ASAP1: variants seen among roughly 807,000 people sequenced by gnomAD.
ASAP1 encodes the protein arf-GAP with SH3 domain, ANK repeat and PH domain-containing protein 1.
ASAP1 carries 43 observed loss-of-function variants against 145.2 expected under a neutral mutation model. That is an observed-to-expected ratio of 0.30 (90% CI 0.23 to 0.38). The LOEUF is 0.38. ASAP1 is among the 10% of genes least tolerant of loss of function. The probability of loss-of-function intolerance (pLI) is 1.00; values close to 1 mark genes in which losing one functional copy is unlikely to be tolerated. For synonymous variants in ASAP1, 546 were observed against 515.5 expected (o/e 1.06, Z -0.80); for missense variants, 1,018 against 1,355.3 (o/e 0.75, Z 3.91).
At chr8:130,179,403 G>A (rs1814193039) in intron 8 of ASAP1, 54 bp from the exon 9 acceptor site, 12 of 1,144,904 alleles carry the variant, frequency 1.0e-5, no homozygotes, top group Non-Finnish European at 1.6e-5. Context: ...GGGCTCTTCA[G>A]CCATGGGTTC....
At chr8:130,349,483 C>G (rs1469004492) in intron 3 of ASAP1, among the ~76,000 whole-genome samples, 8 of 152,206 alleles carry the variant, frequency 5.3e-5, no homozygotes, top group Non-Finnish European at 7.3e-5. Context: ...AAGCACTTTA[C>G]AGATACTGAC....
At chr8:130,276,760 T>TCTCTCTCTCC (rs1333515760) in intron 3 of ASAP1, among the ~76,000 whole-genome samples, 184 of 130,402 alleles carry the variant, frequency 1.4e-3, no homozygotes, top group Non-Finnish European at 2.4e-3. Flanking sequence ...TCTCTCTCTC[T>TCTCTCTCTCC]CCTCTAACAA....
chr8:130,099,697 T>C (rs2135483657), intron 24 of ASAP1, among the ~76,000 whole-genome samples: 1 of 140,718 alleles, frequency 7.1e-6, no homozygotes, highest in Middle Eastern at 3.5e-3. Flanking sequence ...TTTTTTTTTT[T>C]TTTGAGACAG....
At chr8:130,096,113 C>T (rs1308234169) in intron 24 of ASAP1, among the ~76,000 whole-genome samples, 1 of 152,072 alleles carries the variant, frequency 6.6e-6, no homozygotes, top group Non-Finnish European at 1.5e-5. Context: ...AAGGAAGATG[C>T]TACAAAATCT....
chr8:130,434,834 A>G (rs1830255288), intron 1 of ASAP1, among the ~76,000 whole-genome samples: 1 of 152,206 alleles, frequency 6.6e-6, no homozygotes, highest in African/African-American at 2.4e-5. Flanking sequence ...CACATGAGAC[A>G]GGAAGCAGGT....
chr8:130,374,835 C>T (rs1228010734), intron 2 of ASAP1, among the ~76,000 whole-genome samples: 1 of 152,202 alleles, frequency 6.6e-6, no homozygotes, highest in Non-Finnish European at 1.5e-5. Context: ...GATAACAGAG[C>T]TGCAATGATT....
intron 3 of ASAP1, among the ~76,000 whole-genome samples, chr8:130,322,239 T>G (rs969387618): frequency 2.0e-5 from 3 of 151,516 alleles, no homozygotes; most frequent in African/African-American, 7.3e-5. Flanking sequence ...AACTGAGAGA[T>G]AAAAATTCAT....
chr8:130,153,814 T>A (rs1455863017), intron 12 of ASAP1, among the ~76,000 whole-genome samples: 1 of 152,142 alleles, frequency 6.6e-6, no homozygotes, highest in Non-Finnish European at 1.5e-5. Flanking sequence ...GGGGTGGTGT[T>A]AATTAAGTAG....
chr8:130,248,878 C>CAAAA (rs1819020184), intron 3 of ASAP1, among the ~76,000 whole-genome samples: 1 of 152,136 alleles, frequency 6.6e-6, no homozygotes, highest in African/African-American at 2.4e-5. Context: ...TAACCCTTTT[C>CAAAA]CCAAGAGGCC....
intron 1 of ASAP1, among the ~76,000 whole-genome samples, chr8:130,441,664 C>T (rs1299378881): frequency 2.6e-5 from 4 of 152,210 alleles, no homozygotes; most frequent in Non-Finnish European, 5.9e-5. Context: ...TGCACACATT[C>T]ATCTTTGGGC....
At chr8:130,380,400 T>G (rs1827710841) in intron 2 of ASAP1, among the ~76,000 whole-genome samples, 1 of 152,184 alleles carries the variant, frequency 6.6e-6, no homozygotes, top group African/African-American at 2.4e-5. Flanking sequence ...CTGCCCTGCA[T>G]GCAGCCTGAG....
chr8:130,264,986 A>G (rs1195584355), intron 3 of ASAP1, among the ~76,000 whole-genome samples: 1 of 152,212 alleles, frequency 6.6e-6, no homozygotes, highest in African/African-American at 2.4e-5. Context: ...AGGAGAAGCT[A>G]TGAAGACTAA....
At position 130,058,145 on chromosome 8, in the gene ASAP1, G is replaced by T; in HGVS notation, c.3193-69C>A. On this transcript the variant is annotated intron_variant, in intron 28 of 29. Coordinates refer to ENST00000518721, the MANE Select transcript of ASAP1 (RefSeq NM_018482.4). Reference sequence around the variant, plus strand: ...TGGAAAAAAAGAGCAGCGGTTCTTTGTAAAATGGTTGACCTTGGCCAGTAA... The same window carrying T: ...TGGAAAAAAAGAGCAGCGGTTCTTTTTAAAATGGTTGACCTTGGCCAGTAA... 1.9e-6 allele frequency: 3 copies of T among 1,564,364 alleles called. 1 individual carries two copies. Among genetic ancestry groups the T allele is most frequent in the South Asian group, 2.2e-5 (2 of 89,132 alleles).
intron 4 of ASAP1, among the ~76,000 whole-genome samples, chr8:130,227,621 A>C (rs1468826631): frequency 1.3e-5 from 2 of 151,012 alleles, no homozygotes; most frequent in Non-Finnish European, 2.9e-5. Context: ...ATTTCCAATC[A>C]ATGCTTATAT....
chr8:130,057,810 T>C, intron 29 of ASAP1, 144 bp downstream of exon 29: 1 of 1,049,736 alleles, frequency 9.5e-7, no homozygotes, highest in Non-Finnish European at 1.4e-6. Flanking sequence ...CCAAATGCAA[T>C]GGCTGTTGGG....
intron 3 of ASAP1, among the ~76,000 whole-genome samples, chr8:130,332,307 C>CT: frequency 6.6e-6 from 1 of 152,316 alleles, no homozygotes; most frequent in East Asian, 1.9e-4. Context: ...AAAACTCTGT[C>CT]TTTTTTCCTG....
At chr8:130,217,455 A>G (rs1291787688) in intron 4 of ASAP1, among the ~76,000 whole-genome samples, 1 of 151,906 alleles carries the variant, frequency 6.6e-6, no homozygotes, top group Non-Finnish European at 1.5e-5. Context: ...ATATGTGTAT[A>G]TATGTATATA....
intron 3 of ASAP1, among the ~76,000 whole-genome samples, chr8:130,285,149 T>A (rs1821527560): frequency 6.6e-6 from 1 of 152,206 alleles, no homozygotes; most frequent in African/African-American, 2.4e-5. Context: ...AAAGGAAGAC[T>A]TGGCAACCCA....
At chr8:130,276,331 T>A (rs914775442) in intron 3 of ASAP1, among the ~76,000 whole-genome samples, 1 of 152,182 alleles carries the variant, frequency 6.6e-6, no homozygotes, top group African/African-American at 2.4e-5. Flanking sequence ...AAAAGCTACA[T>A]TAGTCTCCAT....
Sources: gnomAD v4.1 joint callset for allele counts (sites outside exome capture counted in the v4.1 genomes callset) on GRCh38, gnomAD v4.1.1 for gene constraint, MANE v1.5 for transcripts, NCBI Gene and HGNC (gene_info 2026-07-23, HGNC 2026-07-21) for gene names.